Variants in TTC39B observed in about 807,000 individuals in gnomAD.
TTC39B encodes tetratricopeptide repeat domain 39B, also known as tetratricopeptide repeat protein 39B.
TTC39B carries 92 observed loss-of-function variants against 96.6 expected under a neutral mutation model. The ratio of observed to expected loss-of-function variants is 0.95; its 90% CI spans 0.80 to 1.13. The LOEUF (loss-of-function observed/expected upper bound fraction) is 1.13, where lower values mean the gene tolerates loss of function less well. TTC39B is among the 50% of genes most tolerant of loss of function. The pLI is 0.00. For synonymous variants in TTC39B, 367 were observed against 299.4 expected, an observed-to-expected ratio of 1.23 and a Z score of -2.33; for missense variants, 955 against 809.3, an observed-to-expected ratio of 1.18 and a Z score of -2.18.
chr9:15,194,608 T>C (rs1819047886), intron 8 of TTC39B, among the ~76,000 whole-genome samples: 1 of 150,936 alleles, frequency 6.6e-6, no homozygotes, highest in South Asian at 2.1e-4. Flanking sequence ...GGCAACTCTG[T>C]GTTGAGCAAG....
intron 2 of TTC39B, among the ~76,000 whole-genome samples, chr9:15,234,000 G>A (rs1241138098): frequency 1.4e-5 from 2 of 147,218 alleles, no homozygotes; most frequent in Non-Finnish European, 3.0e-5. Context: ...GAGCGCCTCT[G>A]CCCCGCTGCC....
At chr9:15,242,580 C>G (rs571237273) in intron 2 of TTC39B, among the ~76,000 whole-genome samples, 1 of 151,988 alleles carries the variant, frequency 6.6e-6, no homozygotes, top group Admixed American at 6.6e-5. Flanking sequence ...AAGACCCTAT[C>G]TCAAAAAGAA....
intron 8 of TTC39B, among the ~76,000 whole-genome samples, chr9:15,197,467 C>T (rs1027915693): frequency 1.8e-4 from 28 of 152,132 alleles, no homozygotes; most frequent in Non-Finnish European, 1.8e-4. Flanking sequence ...AATTTTGGTT[C>T]TGCTACCAGT....
At chr9:15,292,558 G>C (rs370095665) in intron 1 of TTC39B, among the ~76,000 whole-genome samples, 5 of 152,264 alleles carry the variant, frequency 3.3e-5, no homozygotes, top group South Asian at 4.1e-4. Flanking sequence ...CTCTAAAACA[G>C]CCTCAGGCAG....
At chr9:15,222,656 G>A (rs1386015302) in intron 3 of TTC39B, among the ~76,000 whole-genome samples, 1 of 152,064 alleles carries the variant, frequency 6.6e-6, no homozygotes, top group Non-Finnish European at 1.5e-5. Flanking sequence ...ACCTTGATTT[G>A]GTAACTAAAG....
intron 2 of TTC39B, among the ~76,000 whole-genome samples, chr9:15,251,692 T>C (rs10961935): frequency 2.2e-4 from 16 of 72,346 alleles, no homozygotes; most frequent in Non-Finnish European, 3.4e-4. Context: ...CACACACACA[T>C]ACATATACAT....
At chr9:15,186,135 G>C (rs1357630611) in intron 15 of TTC39B, among the ~76,000 whole-genome samples, 3 of 152,048 alleles carry the variant, frequency 2.0e-5, no homozygotes, top group Non-Finnish European at 4.4e-5. Context: ...AGAATTCAAG[G>C]CAATACTCAA....
chr9:15,225,959 G>A, exon 3 of TTC39B: 1 of 1,614,064 alleles, frequency 6.2e-7, no homozygotes, highest in African/African-American at 1.3e-5. Flanking sequence ...CGCCTGTTGT[G>A]TATCACATGA....
At chr9:15,186,755 C>T in intron 15 of TTC39B, 189 bp downstream of exon 15, 1 of 545,680 alleles carries the variant, frequency 1.8e-6, no homozygotes, top group Non-Finnish European at 3.3e-6. Flanking sequence ...AGTGCAATGG[C>T]ATTATTTCAG....
At chr9:15,185,979 T>C (rs1818503931) in intron 15 of TTC39B, among the ~76,000 whole-genome samples, 1 of 152,194 alleles carries the variant, frequency 6.6e-6, no homozygotes, top group Non-Finnish European at 1.5e-5. Context: ...GTACCATGTT[T>C]AGAAACTTCC....
Position 15,224,791 on chromosome 9 carries a change from T to TA in TTC39B, c.371+1125dup, listed in dbSNP as rs1260783121. ...ATGAGCAGGAATTTTACACACACAG[T>TA]AAAAAAAAGGATATGGAAAACAAAT... On this transcript the variant is annotated intron_variant, in intron 3 of 19. Coordinates refer to ENST00000512701, the Ensembl canonical transcript of TTC39B. 1.9e-4 allele frequency among the ~76,000 whole-genome samples: 29 copies of TA among 151,708 alleles called. 1 individual carries two copies. The highest frequency in any genetic ancestry group is 1.4e-3 in the Admixed American group (21 of 15,250).
intron 1 of TTC39B, among the ~76,000 whole-genome samples, chr9:15,269,273 C>G (rs148864252): frequency 8.5e-5 from 13 of 152,314 alleles, no homozygotes; most frequent in African/African-American, 2.9e-4. Context: ...TTTACTTGGT[C>G]ACCCTCTGTC....
chr9:15,284,439 C>G lies in TTC39B; in HGVS notation c.241-16491G>C, dbSNP rs148759582. 4.3e-3 allele frequency among the ~76,000 whole-genome samples: 659 copies of G among 152,288 alleles called. 6 individuals are homozygous for G. Among genetic ancestry groups the G allele is most frequent in the African/African-American group, 0.015 (616 of 41,562 alleles). On this transcript the variant is annotated intron_variant, in intron 1 of 19. Coordinates refer to ENST00000512701, the Ensembl canonical transcript of TTC39B. ...TCATGTACCAAGATTATGATACACACTGTGCTGCGAAAGAAATTAGAATTA... is the reference window on the plus strand; with the variant it reads ...TCATGTACCAAGATTATGATACACAGTGTGCTGCGAAAGAAATTAGAATTA...
chr9:15,181,379 A>G (rs1458245495), intron 17 of TTC39B, among the ~76,000 whole-genome samples: 3 of 152,222 alleles, frequency 2.0e-5, no homozygotes, highest in Admixed American at 1.3e-4. Context: ...AACAAAGGCT[A>G]TCACTTATGG....
intron 19 of TTC39B, among the ~76,000 whole-genome samples, chr9:15,174,601 A>C (rs1383161837): frequency 2.0e-5 from 3 of 152,228 alleles, no homozygotes; most frequent in African/African-American, 7.2e-5. Context: ...ACTAGGACCC[A>C]AGGGCCAAAT....
At position 15,175,015 on chromosome 9, in the gene TTC39B, T is replaced by G. The variant is rs1235931407; in HGVS notation, c.1958+4A>C. The G allele has an allele frequency of 6.2e-7, 1 of 1,607,340 alleles. No homozygotes were observed. Among genetic ancestry groups the G allele is most frequent in the Non-Finnish European group, 8.5e-7 (1 of 1,173,970 alleles). On this transcript the variant is annotated splice_donor_region_variant and intron_variant, in intron 19 of 19. Coordinates refer to ENST00000512701, the Ensembl canonical transcript of TTC39B. Reference sequence around the variant, plus strand: ...ATCAAGGAAAAGCTGCCTTCAACACTTACCTTGCAGTTTCTAGGAACTTTA... The same window carrying G: ...ATCAAGGAAAAGCTGCCTTCAACACGTACCTTGCAGTTTCTAGGAACTTTA...
intron 1 of TTC39B, among the ~76,000 whole-genome samples, chr9:15,288,687 C>T (rs750786233): frequency 4.6e-5 from 7 of 152,222 alleles, no homozygotes; most frequent in Non-Finnish European, 1.0e-4. Flanking sequence ...TGCTGGTTAA[C>T]ACTTAAGCCA....
intron 7 of TTC39B, among the ~76,000 whole-genome samples, chr9:15,203,516 C>A (rs1027991400): frequency 1.3e-5 from 2 of 151,980 alleles, no homozygotes; most frequent in Non-Finnish European, 2.9e-5. Context: ...CCACCTCAGC[C>A]TCCCAAACTG....
At chr9:15,165,410 T>C (rs939031319) in exon 20 of TTC39B, 3 of 152,150 alleles carry the variant, frequency 2.0e-5, no homozygotes, top group East Asian at 1.9e-4. Context: ...ACCTGGACGT[T>C]TGTCTACATT....
Sources: allele counts gnomAD v4.1 joint callset (sites outside exome capture counted in the v4.1 genomes callset), GRCh38; gene constraint gnomAD v4.1.1; transcripts MANE v1.5; gene names NCBI Gene and HGNC (gene_info 2026-07-23, HGNC 2026-07-21).